Variants in MAGI3 observed in about 807,000 individuals in gnomAD.
MAGI3 encodes the protein membrane associated guanylate kinase, WW and PDZ domain containing 3, also known as membrane-associated guanylate kinase, WW and PDZ domain-containing protein 3.
In MAGI3, 43 loss-of-function variants were observed where a neutral mutation model predicts 121.8. The ratio of observed to expected loss-of-function variants is 0.35; its 90% CI spans 0.28 to 0.46. The LOEUF (loss-of-function observed/expected upper bound fraction) is 0.46. Ranked by LOEUF, MAGI3 falls within the 20% of genes least tolerant of loss-of-function variation. The pLI is 1.00. For missense variants in MAGI3, 1,547 were observed against 1,797.3 expected (o/e 0.86, Z 2.52); for synonymous variants, 553 against 639.3 (o/e 0.86, Z 2.04).
chr1:113,510,670 A>T (rs1657571615), intron 1 of MAGI3, among the ~76,000 whole-genome samples: 1 of 152,166 alleles, frequency 6.6e-6, no homozygotes, highest in African/African-American at 2.4e-5. Flanking sequence ...CCAACATCTT[A>T]TGTTGTATAG....
intron 2 of MAGI3, among the ~76,000 whole-genome samples, chr1:113,563,174 A>G (rs1660309306): frequency 6.6e-6 from 1 of 152,208 alleles, no homozygotes; most frequent in Admixed American, 6.5e-5. Flanking sequence ...ACATTTGAAA[A>G]TTAATATAGT....
intron 2 of MAGI3, among the ~76,000 whole-genome samples, chr1:113,562,275 C>T (rs868229933): frequency 1.3e-5 from 2 of 152,088 alleles, no homozygotes; most frequent in Non-Finnish European, 2.9e-5. Flanking sequence ...TGGTGGCGGG[C>T]GCCAATAGTC....
intron 1 of MAGI3, among the ~76,000 whole-genome samples, chr1:113,517,136 T>TA (rs1657956357): frequency 1.3e-5 from 2 of 151,816 alleles, no homozygotes; most frequent in Admixed American, 1.3e-4. Flanking sequence ...AAACTTTAGG[T>TA]AAAAAATTAG....
intron 1 of MAGI3, among the ~76,000 whole-genome samples, chr1:113,459,980 C>T (rs1166150749): frequency 1.3e-5 from 2 of 152,198 alleles, no homozygotes; most frequent in African/African-American, 4.8e-5. Context: ...AAGAAAACTT[C>T]AGGCCAGTAT....
At chr1:113,421,215 G>A (rs771930397) in intron 1 of MAGI3, among the ~76,000 whole-genome samples, 2 of 152,052 alleles carry the variant, frequency 1.3e-5, no homozygotes, top group Non-Finnish European at 2.9e-5. Context: ...GGTTTCTGTA[G>A]CTTCTTCCTT....
At chr1:113,555,389 T>G (rs1378853602) in intron 2 of MAGI3, among the ~76,000 whole-genome samples, 1 of 152,176 alleles carries the variant, frequency 6.6e-6, no homozygotes, top group Admixed American at 6.5e-5. Flanking sequence ...AACATCCCCT[T>G]TTAGTAATTA....
At chr1:113,682,668 AAATG>A (rs1571047665) in intron 20 of MAGI3, 1 of 977,778 alleles carries the variant, frequency 1.0e-6, no homozygotes, top group Non-Finnish European at 1.2e-6. Flanking sequence ...TAATTGGAAA[AAATG>A]AATATTATTT....
At chr1:113,540,016 T>C (rs557680720) in intron 1 of MAGI3, among the ~76,000 whole-genome samples, 1 of 152,198 alleles carries the variant, frequency 6.6e-6, no homozygotes, top group South Asian at 2.1e-4. Flanking sequence ...ATAGAGATGG[T>C]CTCGGACTCC....
intron 1 of MAGI3, among the ~76,000 whole-genome samples, chr1:113,423,239 A>AGC (rs1318900059): frequency 4.3e-5 from 5 of 117,074 alleles, no homozygotes; most frequent in Non-Finnish European, 5.3e-5. Context: ...TGTCCTGGTA[A>AGC]GTATTCGTTT....
chr1:113,611,350 AG>A (rs1650122394), intron 6 of MAGI3, among the ~76,000 whole-genome samples: 1 of 152,122 alleles, frequency 6.6e-6, no homozygotes, highest in South Asian at 2.1e-4. Flanking sequence ...GGCCTCCCAA[AG>A]TGCTGGGATT....
intron 16 of MAGI3, among the ~76,000 whole-genome samples, chr1:113,666,080 C>T (rs1375101697): frequency 6.6e-6 from 1 of 152,166 alleles, no homozygotes; most frequent in East Asian, 1.9e-4. Flanking sequence ...TGCTAATGAT[C>T]ATCTGGGCCT....
At chr1:113,437,374 A>G (rs1570673785) in intron 1 of MAGI3, among the ~76,000 whole-genome samples, 2 of 152,232 alleles carry the variant, frequency 1.3e-5, no homozygotes, top group Admixed American at 1.3e-4. Context: ...TCAGTAATTC[A>G]TAACTAATTA....
At chr1:113,636,483 G>A (rs1454358464) in intron 9 of MAGI3, among the ~76,000 whole-genome samples, 2 of 152,126 alleles carry the variant, frequency 1.3e-5, no homozygotes, top group African/African-American at 2.4e-5. Flanking sequence ...ATTTCGTTAT[G>A]TACCCAGTAG....
Position 113,683,740 on chromosome 1 carries a change from G to T in MAGI3, c.4172G>T (p.Gly1391Val). The T allele has an allele frequency of 1.2e-6, 2 of 1,601,000 alleles. No homozygotes were observed. The highest frequency in any genetic ancestry group is 8.5e-7 in the Non-Finnish European group (1 of 1,173,380). ...ENEKGKKVTT[G>V]ETSSSNDKIG... ...GAAAAAGGAAAGAAAGTAACCACAG[G>T]AGAAACAAGTTCTAGTAACGATAAA... The change falls in exon 21 of 21, where the codon GGA becomes GTA. Residue 1391 changes from glycine to valine, a missense_variant. By Grantham distance (109) the Gly-to-Val change is moderately radical (BLOSUM62 -3). Transcript: ENST00000307546.
At chr1:113,451,592 G>T (rs1320115206) in intron 1 of MAGI3, among the ~76,000 whole-genome samples, 6 of 151,838 alleles carry the variant, frequency 4.0e-5, no homozygotes, top group Non-Finnish European at 7.4e-5. Flanking sequence ...TGAGACTTTT[G>T]TTCCTTATAA....
At chr1:113,529,617 T>C (rs1314047500) in intron 1 of MAGI3, among the ~76,000 whole-genome samples, 1 of 152,188 alleles carries the variant, frequency 6.6e-6, no homozygotes, top group Non-Finnish European at 1.5e-5. Context: ...TAACTATCCT[T>C]ATTTTTTCTT....
At position 113,653,918 on chromosome 1, in the gene MAGI3, G is replaced by A; in HGVS notation, c.2529G>A (p.Arg843=). The A allele has an allele frequency of 1.2e-6, 2 of 1,614,082 alleles. No individual in the cohort carries two copies. Among genetic ancestry groups the A allele is most frequent in the Non-Finnish European group, 1.7e-6 (2 of 1,180,014 alleles). The change falls in exon 15 of 21, where the codon AGG becomes AGA. Residue 843 remains arginine, a synonymous_variant. Transcript: ENST00000307546. ...TGAACCGGGCAGAGGTCCCAGCCAG[G>A]CCTGCACCCCAGGAGCCCTATGATG... is the stretch of plus-strand genomic sequence containing the variant. ...PRLNRAEVPA[R]PAPQEPYDVV...
intron 7 of MAGI3, among the ~76,000 whole-genome samples, chr1:113,619,175 T>C (rs1017223671): frequency 1.3e-5 from 2 of 152,228 alleles, no homozygotes; most frequent in Non-Finnish European, 2.9e-5. Context: ...TTAATTATGA[T>C]ATAATTATGA....
chr1:113,590,161 G>A (rs989983049), intron 4 of MAGI3, among the ~76,000 whole-genome samples: 1 of 149,902 alleles, frequency 6.7e-6, no homozygotes, highest in African/African-American at 2.4e-5. Flanking sequence ...ACTTAAAATA[G>A]AGCCTGACAC....
Sources: allele counts gnomAD v4.1 joint callset (sites outside exome capture counted in the v4.1 genomes callset), GRCh38; gene constraint gnomAD v4.1.1; transcripts MANE v1.5; gene names NCBI Gene and HGNC (gene_info 2026-07-23, HGNC 2026-07-21).